Variants in SORCS2 observed in about 807,000 individuals in gnomAD.
SORCS2 encodes the protein sortilin related VPS10 domain containing receptor 2, also known as VPS10 domain-containing receptor SorCS2.
In SORCS2, 100 loss-of-function variants were observed where a neutral mutation model predicts 141.6. The ratio of observed to expected loss-of-function variants is 0.71; its 90% CI spans 0.60 to 0.83. The LOEUF (loss-of-function observed/expected upper bound fraction) is 0.83. Ranked by LOEUF, SORCS2 falls within the 40% of genes least tolerant of loss-of-function variation. SORCS2 has a pLI of 0.00. For missense variants in SORCS2, 1,646 were observed against 1,560.2 expected (o/e 1.05, Z -0.93); for synonymous variants, 789 against 676.9 (o/e 1.17, Z -2.57).
chr4:7,452,649 A>G (rs1385307022), intron 2 of SORCS2, among the ~76,000 whole-genome samples: 2 of 152,210 alleles, frequency 1.3e-5, no homozygotes, highest in Admixed American at 6.5e-5. Flanking sequence ...GCCTCTCTCT[A>G]GCCACATGCC....
At chr4:7,464,446 G>C (rs1301872984) in intron 2 of SORCS2, among the ~76,000 whole-genome samples, 1 of 152,096 alleles carries the variant, frequency 6.6e-6, no homozygotes, top group Non-Finnish European at 1.5e-5. Context: ...GTGGAGGGCT[G>C]GTGGGAGCGG....
intron 1 of SORCS2, among the ~76,000 whole-genome samples, chr4:7,265,179 C>T (rs560847184): frequency 1.3e-3 from 203 of 152,314 alleles, no homozygotes; most frequent in African/African-American, 4.8e-3. Flanking sequence ...CTCCCACAGT[C>T]CTGGAGGCTG....
chr4:7,312,832 G>A (rs745319697), intron 1 of SORCS2, among the ~76,000 whole-genome samples: 22 of 152,352 alleles, frequency 1.4e-4, no homozygotes, highest in Middle Eastern at 6.8e-3. Flanking sequence ...CTGCAGGTCA[G>A]GGGCCTTTTC....
chr4:7,404,212 A>G (rs971197292), intron 2 of SORCS2, among the ~76,000 whole-genome samples: 2 of 151,936 alleles, frequency 1.3e-5, no homozygotes, highest in Non-Finnish European at 2.9e-5. Flanking sequence ...TTCATTGTGT[A>G]TATACGCCAC....
At chr4:7,667,325 C>A in intron 8 of SORCS2, 112 bp downstream of exon 8, 1 of 966,986 alleles carries the variant, frequency 1.0e-6, no homozygotes, top group Admixed American at 1.9e-5. Context: ...TCAGGATGGA[C>A]AAGAACAGTG....
At chr4:7,475,829 CAG>C (rs1398031404) in intron 2 of SORCS2, among the ~76,000 whole-genome samples, 1 of 152,242 alleles carries the variant, frequency 6.6e-6, no homozygotes, top group Non-Finnish European at 1.5e-5. Flanking sequence ...GACTCAAAGT[CAG>C]AGAATGCACT....
At chr4:7,392,917 C>T (rs1200063604) in intron 1 of SORCS2, among the ~76,000 whole-genome samples, 4 of 147,358 alleles carry the variant, frequency 2.7e-5, no homozygotes, top group South Asian at 2.2e-4. Context: ...GGGGGTGCTG[C>T]GAGAGAGTGG....
Position 7,193,220 on chromosome 4 carries a change from T to A in SORCS2, c.480+94T>A. 1 of 1,302,674 alleles carries A rather than the reference T, an allele frequency of 7.7e-7. No individual in the cohort carries two copies. Among genetic ancestry groups the A allele is most frequent in the Non-Finnish European group, 9.8e-7 (1 of 1,023,828 alleles). The allele number at this position is 1,302,674 out of a possible 1,614,324, so 80.7% of individuals were successfully genotyped here. A position where few individuals can be genotyped will look rare whatever the true frequency, so the allele number is the denominator to read the frequency against. ...CACGGCCCCCACCCCAGATCCCCAC[T>A]ATGGTCATCAGGGGCGGGTTCTTGG... On this transcript the variant is annotated intron_variant, in intron 1 of 26. Coordinates refer to ENST00000507866, the MANE Select transcript of SORCS2 (RefSeq NM_020777.3). This position sits in a 1 kb window ranked among gnomAD's most constrained non-coding sequence, Gnocchi z 4.8.
At chr4:7,334,367 T>C (rs7677462) in intron 1 of SORCS2, among the ~76,000 whole-genome samples, 85,536 of 151,106 alleles carry the variant, frequency 0.57, 24,943 homozygotes, top group African/African-American at 0.72. Context: ...GTCCCCCTGG[T>C]CAGTCCTCTC....
chr4:7,472,933 A>T (rs1730069749), intron 2 of SORCS2, among the ~76,000 whole-genome samples: 1 of 151,140 alleles, frequency 6.6e-6, no homozygotes, highest in African/African-American at 2.5e-5. Context: ...AAAAAAACAA[A>T]ATAGCCCTGG....
At chr4:7,727,124 TACTG>T (rs1248540561) in intron 21 of SORCS2, among the ~76,000 whole-genome samples, 3 of 152,140 alleles carry the variant, frequency 2.0e-5, no homozygotes, top group South Asian at 2.1e-4. Flanking sequence ...GTAAAATAAA[TACTG>T]ACAAATCCTG....
At chr4:7,538,801 C>G (rs1712338429) in intron 3 of SORCS2, among the ~76,000 whole-genome samples, 1 of 152,350 alleles carries the variant, frequency 6.6e-6, no homozygotes, top group East Asian at 1.9e-4. Context: ...CGTAGGGGAA[C>G]TGCCACGTGT....
rs1346430417 is a variant in SORCS2 at position 7,726,879 on chromosome 4, G to A, written c.2845G>A (p.Asp949Asn). ...CGCCTGTGGGAACTCGGTGCTGCAG[G>A]ACTCCAGGGTCCTCCGTGTGCTGGG... ...QAACGNSVLQ[D>N]SRVLRVLDQF... Residue 949 changes from aspartate to asparagine, a missense_variant, in exon 21 of 27, where the codon GAC becomes AAC. Coordinates refer to ENST00000507866, the MANE Select transcript of SORCS2 (RefSeq NM_020777.3). 3 of 1,613,762 alleles carry A rather than the reference G, an allele frequency of 1.9e-6. No homozygotes were observed. The highest frequency in any genetic ancestry group is 2.5e-6 in the Non-Finnish European group (3 of 1,179,786).
rs1488624402 is a variant in SORCS2 at position 7,233,662 on chromosome 4, G to T, written c.480+40536G>T. ...GTTCTAAGGTCCCCAGGTAATACTG[G>T]CCTGGTCCCCCGTCTGATGCTGCAG... On this transcript the variant is annotated intron_variant, in intron 1 of 26. Coordinates refer to ENST00000507866, the MANE Select transcript of SORCS2 (RefSeq NM_020777.3). The surrounding 1 kb of genome is among the most constrained non-coding windows in gnomAD (Gnocchi z 4.5). Among the ~76,000 whole-genome samples, 1 of 152,120 alleles carries T rather than the reference G, an allele frequency of 6.6e-6. No homozygotes were observed. The highest frequency in any genetic ancestry group is 1.5e-5 in the Non-Finnish European group (1 of 68,018).
Position 7,389,761 on chromosome 4 carries a change from G to A in SORCS2, c.481-6527G>A, listed in dbSNP as rs190654142. On this transcript the variant is annotated intron_variant, in intron 1 of 26. Coordinates refer to ENST00000507866, the MANE Select transcript of SORCS2 (RefSeq NM_020777.3). Reference sequence around the variant, plus strand: ...AGCATAGCGATCCAAGTATGCAAATGCCTGCGGGGTGGGTGACAGAGTCAA... The same window carrying A: ...AGCATAGCGATCCAAGTATGCAAATACCTGCGGGGTGGGTGACAGAGTCAA... Among the ~76,000 whole-genome samples the A allele has an allele frequency of 5.9e-5, 9 of 152,324 alleles. No homozygotes were observed. The East Asian group carries it at 1.7e-3, about 29-fold the overall frequency.
chr4:7,516,340 C>T (rs191761843), intron 2 of SORCS2, among the ~76,000 whole-genome samples: 2 of 152,194 alleles, frequency 1.3e-5, no homozygotes, highest in South Asian at 2.1e-4. Context: ...TCCTAAGGCT[C>T]TGCCTCTCCT....
intron 2 of SORCS2, among the ~76,000 whole-genome samples, chr4:7,501,001 G>A (rs1014862437): frequency 1.3e-5 from 2 of 152,170 alleles, no homozygotes; most frequent in African/African-American, 4.8e-5. Context: ...TCCACCCCAC[G>A]TGCCCTCTGA....
intron 9 of SORCS2, among the ~76,000 whole-genome samples, chr4:7,676,758 A>G (rs71612275): frequency 0.57 from 31,528 of 55,370 alleles, 7,180 homozygotes; most frequent in East Asian, 0.64. Context: ...CCGCCCTGTC[A>G]TCTCCTCCTT....
rs180942635 is a variant in SORCS2, at chr4:7,700,727, C to T, written c.1669-2553C>T. 2.6e-5 allele frequency among the ~76,000 whole-genome samples: 4 copies of T among 152,324 alleles called. No individual in the cohort carries two copies. The East Asian group carries it at 7.7e-4, about 30-fold the overall frequency. On this transcript the variant is annotated intron_variant, in intron 12 of 26. Transcript: ENST00000507866. ...CTCCACCCCCGGGGGCAGACAGGGC[C>T]GTGAACCTCGGAGGGAGCACAGAGC...
Sources: gnomAD v4.1 joint callset for allele counts (sites outside exome capture counted in the v4.1 genomes callset) on GRCh38, gnomAD v4.1.1 for gene constraint, Gnocchi (gnomAD v3.1) non-coding constraint, MANE v1.5 for transcripts, NCBI Gene and HGNC (gene_info 2026-07-23, HGNC 2026-07-21) for gene names.